The following REDIC1 variants were observed in gnomAD, a reference collection of about 807,000 sequenced individuals.
REDIC1 encodes the protein HEI10 Interacting Protein 1.
chr12:39,764,020 G>A, the REDIC1 span, among the ~76,000 whole-genome samples: 1 of 152,112 alleles, frequency 6.6e-6, no homozygotes, highest in African/African-American at 2.4e-5. Context: ...ATTTGAGGAA[G>A]CTACTTTCAG....
the REDIC1 span, among the ~76,000 whole-genome samples, chr12:39,629,528 A>G: frequency 6.6e-6 from 1 of 152,234 alleles, no homozygotes; most frequent in Admixed American, 6.5e-5. Flanking sequence ...TTTCTTATAT[A>G]AACCAAACTG....
At chr12:39,884,920 T>G in the REDIC1 span, among the ~76,000 whole-genome samples, 1 of 152,140 alleles carries the variant, frequency 6.6e-6, no homozygotes, top group Non-Finnish European at 1.5e-5. Context: ...TGGGGAGAAC[T>G]GGAAAGAACC....
chr12:39,759,981 T>C, the REDIC1 span: 4 of 1,473,702 alleles, frequency 2.7e-6, no homozygotes, highest in Non-Finnish European at 1.9e-6. Flanking sequence ...GCTGTTCTTC[T>C]CCCCCCAGTT....
At chr12:39,712,864 CACG>C in the REDIC1 span, among the ~76,000 whole-genome samples, 4 of 13,724 alleles carry the variant, frequency 2.9e-4, no homozygotes, top group South Asian at 9.3e-3. Flanking sequence ...TATGTATATA[CACG>C]TATATACACG....
chr12:39,750,577 G>C, the REDIC1 span, among the ~76,000 whole-genome samples: 2 of 152,028 alleles, frequency 1.3e-5, no homozygotes, highest in African/African-American at 2.4e-5. Flanking sequence ...AGTTCATATG[G>C]AACCAAAAAA....
the REDIC1 span, among the ~76,000 whole-genome samples, chr12:39,651,659 C>T: frequency 6.6e-6 from 1 of 152,138 alleles, no homozygotes; most frequent in African/African-American, 2.4e-5. Flanking sequence ...TCTATGACAT[C>T]ATTCTTTCTT....
the REDIC1 span, among the ~76,000 whole-genome samples, chr12:39,825,503 G>A: frequency 6.6e-6 from 1 of 152,118 alleles, no homozygotes; most frequent in Non-Finnish European, 1.5e-5. Context: ...ATTCTCATCT[G>A]TAAGTAGGGT....
chr12:39,835,482 A>G, the REDIC1 span, among the ~76,000 whole-genome samples: 2 of 152,126 alleles, frequency 1.3e-5, no homozygotes, highest in African/African-American at 4.8e-5. Flanking sequence ...ATATTTACAT[A>G]AGGACTATGC....
the REDIC1 span, among the ~76,000 whole-genome samples, chr12:39,847,391 C>T: frequency 6.6e-6 from 1 of 152,080 alleles, no homozygotes; most frequent in Non-Finnish European, 1.5e-5. Context: ...ATACATTTCC[C>T]AGTTCACATT....
the REDIC1 span, among the ~76,000 whole-genome samples, chr12:39,879,121 C>A: frequency 1.3e-5 from 2 of 152,232 alleles, no homozygotes; most frequent in Non-Finnish European, 2.9e-5. Flanking sequence ...ATGCAGAATG[C>A]AAAAGTGAAG....
chr12:39,861,548 G>T, the REDIC1 span, among the ~76,000 whole-genome samples: 2 of 152,156 alleles, frequency 1.3e-5, no homozygotes, highest in South Asian at 2.1e-4. Flanking sequence ...CATAGGAAAG[G>T]TTTGATTCCT....
At chr12:39,648,186 TA>T in the REDIC1 span, among the ~76,000 whole-genome samples, 3 of 151,882 alleles carry the variant, frequency 2.0e-5, no homozygotes, top group Non-Finnish European at 2.9e-5. Context: ...GAGTGTTTTT[TA>T]AAAAAAATCT....
chr12:39,713,243 T>TACACACATATACGTGTATATATGG, the REDIC1 span, among the ~76,000 whole-genome samples: 163 of 75,838 alleles, frequency 2.1e-3, 10 homozygotes, highest in African/African-American at 9.4e-3. Context: ...TGTATATATG[T>TACACACATATACGTGTATATATGG]GTACACACAC....
the REDIC1 span, among the ~76,000 whole-genome samples, chr12:39,750,904 A>G: frequency 6.6e-6 from 1 of 152,188 alleles, no homozygotes; most frequent in East Asian, 1.9e-4. Flanking sequence ...CTTATACAAA[A>G]ATTAATTCAA....
chr12:39,760,202 A>G, the REDIC1 span: 1 of 1,612,850 alleles, frequency 6.2e-7, no homozygotes, highest in Non-Finnish European at 8.5e-7. Flanking sequence ...AGACAGCCAT[A>G]GATGAAAAGG....
chr12:39,797,745 C>CACACAT, the REDIC1 span, among the ~76,000 whole-genome samples: 6 of 144,134 alleles, frequency 4.2e-5, no homozygotes, highest in African/African-American at 1.5e-4. Flanking sequence ...CACACACACA[C>CACACAT]ACACACACAC....
At chr12:39,856,637 G>A in the REDIC1 span, among the ~76,000 whole-genome samples, 1 of 152,170 alleles carries the variant, frequency 6.6e-6, no homozygotes, top group Non-Finnish European at 1.5e-5. Flanking sequence ...AAAGTGCTGG[G>A]ATTACAGGCA....
the REDIC1 span, among the ~76,000 whole-genome samples, chr12:39,676,193 T>TAA: frequency 4.6e-3 from 586 of 128,146 alleles, 2 homozygotes; most frequent in African/African-American, 6.8e-3. Flanking sequence ...CTTAAGGAAA[T>TAA]AAAAAAAAAA....
At chr12:39,786,506 G>A in the REDIC1 span, among the ~76,000 whole-genome samples, 3 of 152,132 alleles carry the variant, frequency 2.0e-5, no homozygotes, top group Non-Finnish European at 4.4e-5. Flanking sequence ...TCTGGGGCTG[G>A]TCATGTGTTC....
Sources: gnomAD v4.1 joint callset for allele counts (sites outside exome capture counted in the v4.1 genomes callset) on GRCh38, gnomAD v4.1.1 for gene constraint, MANE v1.5 for transcripts, NCBI Gene and HGNC (gene_info 2026-07-23, HGNC 2026-07-21) for gene names.